EVL: variants seen among roughly 807,000 people sequenced by gnomAD.
The protein encoded by EVL is Enah/Vasp-like, also known as ena/VASP-like protein.
In EVL, 21 loss-of-function variants were observed where a neutral mutation model predicts 59.6. The ratio of observed to expected loss-of-function variants is 0.35; its 90% confidence interval spans 0.25 to 0.51. The LOEUF (loss-of-function observed/expected upper bound fraction) is 0.51. Ranked by LOEUF, EVL falls within the 20% of genes least tolerant of loss-of-function variation. The pLI, the probability that EVL is intolerant of heterozygous loss-of-function variation, is 0.97. For missense variants in EVL, 462 were observed against 546.6 expected, an observed-to-expected ratio of 0.85 and a Z score of 1.54; for synonymous variants, 198 against 203.5, an observed-to-expected ratio of 0.97 and a Z score of 0.23.
intron 1 of EVL, among the ~76,000 whole-genome samples, chr14:100,010,589 G>A (rs2061010609): frequency 6.6e-6 from 1 of 152,134 alleles, no homozygotes. Context: ...TAGAGACAGG[G>A]TTTCGCCATG....
At chr14:100,023,847 C>T (rs1455193979) in intron 1 of EVL, among the ~76,000 whole-genome samples, 2 of 152,118 alleles carry the variant, frequency 1.3e-5, no homozygotes, top group Non-Finnish European at 2.9e-5. Flanking sequence ...TTCTACACAC[C>T]ACAGAGACTG....
intron 1 of EVL, among the ~76,000 whole-genome samples, chr14:100,075,805 A>T (rs1258182498): frequency 1.3e-5 from 2 of 152,184 alleles, no homozygotes. Flanking sequence ...GGTACTGGTC[A>T]CCCTCATGTC....
At chr14:100,004,673 A>G (rs1456642873) in intron 1 of EVL, among the ~76,000 whole-genome samples, 1 of 152,160 alleles carries the variant, frequency 6.6e-6, no homozygotes, top group Non-Finnish European at 1.5e-5. Flanking sequence ...GACTGCACTT[A>G]CCATTCAAGA....
chr14:99,972,467 G>T lies in EVL; in HGVS notation c.5+410G>T, dbSNP rs1402156722. On this transcript the variant is annotated intron_variant, in intron 1 of 13. Transcript: ENST00000402714. The surrounding 1 kb of genome is among the most constrained non-coding windows in gnomAD (Gnocchi z 4.4). Reference sequence around the variant, plus strand: ...GTGCGGTGCCTTCCAGCCCGGAGGAGGCTGGCCTGAAGCCCCCAGGCGTTG... The same window carrying T: ...GTGCGGTGCCTTCCAGCCCGGAGGATGCTGGCCTGAAGCCCCCAGGCGTTG... Among the ~76,000 whole-genome samples, 3 of 152,292 alleles carry T rather than the reference G, an allele frequency of 2.0e-5. No individual in the cohort carries two copies. The highest frequency in any genetic ancestry group is 2.1e-4 in the South Asian group (1 of 4,824).
chr14:100,006,220 C>A (rs1341338370), intron 1 of EVL, among the ~76,000 whole-genome samples: 1 of 149,746 alleles, frequency 6.7e-6, no homozygotes, highest in Non-Finnish European at 1.5e-5. Context: ...AACGATGGCA[C>A]AACTTATACA....
intron 3 of EVL, among the ~76,000 whole-genome samples, chr14:100,121,529 C>T (rs906852547): frequency 3.3e-5 from 5 of 152,208 alleles, no homozygotes; most frequent in Non-Finnish European, 4.4e-5. Flanking sequence ...CTTACGTAAT[C>T]AGTGCAATCA....
intron 1 of EVL, among the ~76,000 whole-genome samples, chr14:100,050,551 G>A (rs189679878): frequency 1.1e-4 from 16 of 151,602 alleles, no homozygotes; most frequent in African/African-American, 2.9e-4. Context: ...GGGTTTCACC[G>A]TGGTCTCGAT....
At chr14:100,123,438 T>C in intron 3 of EVL, 101 bp from the exon 4 acceptor site, 1 of 1,166,370 alleles carries the variant, frequency 8.6e-7, no homozygotes, top group Non-Finnish European at 1.2e-6. Flanking sequence ...GGATGTCTCT[T>C]CTGCAGCCAG....
intron 1 of EVL, among the ~76,000 whole-genome samples, chr14:100,070,502 G>A (rs536568575): frequency 2.0e-5 from 3 of 152,296 alleles, no homozygotes; most frequent in South Asian, 2.1e-4. Context: ...AAGAGACCTC[G>A]TCTGTCCTGT....
chr14:100,131,428 G>A (rs534176733), intron 7 of EVL, among the ~76,000 whole-genome samples: 24 of 152,338 alleles, frequency 1.6e-4, no homozygotes, highest in Non-Finnish European at 3.2e-4. Context: ...TGGAGCCGAC[G>A]ATGAAAGTGC....
At chr14:100,021,010 A>G (rs1483547414) in intron 1 of EVL, among the ~76,000 whole-genome samples, 1 of 152,238 alleles carries the variant, frequency 6.6e-6, no homozygotes, top group East Asian at 1.9e-4. Flanking sequence ...GGCGTGTTAC[A>G]GTAGATAGGC....
intron 4 of EVL, among the ~76,000 whole-genome samples, chr14:100,124,171 G>A (rs1255263268): frequency 6.6e-6 from 1 of 152,242 alleles, no homozygotes; most frequent in Admixed American, 6.5e-5. Flanking sequence ...CTTGAACCCA[G>A]GTCTGCCCTC....
chr14:100,101,266 C>T (rs1886203153), intron 3 of EVL, among the ~76,000 whole-genome samples: 1 of 152,148 alleles, frequency 6.6e-6, no homozygotes, highest in Non-Finnish European at 1.5e-5. Context: ...AGGCAGATCA[C>T]CTGAGGTCGG....
intron 1 of EVL, among the ~76,000 whole-genome samples, chr14:99,982,542 A>G (rs1408236977): frequency 6.6e-6 from 1 of 152,208 alleles, no homozygotes; most frequent in East Asian, 1.9e-4. Context: ...GACTTTGGAA[A>G]GGAATCAGGA....
intron 9 of EVL, among the ~76,000 whole-genome samples, chr14:100,136,200 G>A (rs1344950195): frequency 6.6e-6 from 1 of 152,240 alleles, no homozygotes; most frequent in Non-Finnish European, 1.5e-5. Context: ...GGTGACCTGC[G>A]TGTCACCTTC....
At chr14:99,986,855 C>A (rs954425532) in intron 1 of EVL, among the ~76,000 whole-genome samples, 1 of 152,110 alleles carries the variant, frequency 6.6e-6, no homozygotes, top group African/African-American at 2.4e-5. Flanking sequence ...TACCCACATA[C>A]AAAAGAATGA....
rs1395702225 is a variant in EVL, at chr14:100,109,425, GGTTT to G, written c.358+11774_358+11777del. The G allele has an allele frequency of 1.1e-5, 4 of 370,988 alleles. No homozygotes were observed. The highest frequency in any genetic ancestry group is 2.1e-5 in the Non-Finnish European group (4 of 186,326). 23.0% of individuals were successfully genotyped at this position (370,988 alleles called of 1,614,324 possible). On this transcript the variant is annotated intron_variant, in intron 3 of 13. Transcript: ENST00000392920. This position sits in a 1 kb window ranked among gnomAD's most constrained non-coding sequence, Gnocchi z 4.3. ...TGGTGTCCCATTTGTTTGGACCCTG[GGTTT>G]GTTTGTCTAGACTGTGAGCTCCTCG...
intron 3 of EVL, among the ~76,000 whole-genome samples, chr14:100,099,628 A>G (rs1373318914): frequency 6.6e-6 from 1 of 152,052 alleles, no homozygotes; most frequent in African/African-American, 2.4e-5. Flanking sequence ...TGCCCAGCAA[A>G]TGTTTACTAA....
At chr14:100,067,913 G>C (rs1380515902) in intron 1 of EVL, among the ~76,000 whole-genome samples, 1 of 152,170 alleles carries the variant, frequency 6.6e-6, no homozygotes, top group Non-Finnish European at 1.5e-5. Context: ...ACCTCAAAGA[G>C]AAAGTGGGAT....
Sources: gnomAD v4.1 joint callset for allele counts (sites outside exome capture counted in the v4.1 genomes callset) on GRCh38, gnomAD v4.1.1 for gene constraint, Gnocchi (gnomAD v3.1) non-coding constraint, MANE v1.5 for transcripts, NCBI Gene and HGNC (gene_info 2026-07-23, HGNC 2026-07-21) for gene names.